Variants in STAG1 observed in about 807,000 individuals in gnomAD.
The protein encoded by STAG1 is STAG1 cohesin complex component.
In STAG1, 26 loss-of-function variants were observed where a neutral mutation model predicts 170.9. The observed-to-expected ratio is 0.15, with a 90% CI of 0.11 to 0.21. The LOEUF is 0.21. Among genes scored for constraint, STAG1 ranks in the 10% least tolerant of loss-of-function variants. STAG1 has a pLI of 1.00. For missense variants in STAG1, 964 were observed against 1,509.5 expected, an observed-to-expected ratio of 0.64 and a Z score of 5.99; for synonymous variants, 514 against 497.7, an observed-to-expected ratio of 1.03 and a Z score of -0.44.
At chr3:136,674,741 A>G (rs914072491) in intron 1 of STAG1, among the ~76,000 whole-genome samples, 3 of 152,232 alleles carry the variant, frequency 2.0e-5, no homozygotes, top group Admixed American at 6.5e-5. Context: ...AACAAATTGT[A>G]CGCTTTAAAT....
At chr3:136,624,748 T>C (rs1940021370) in intron 2 of STAG1, among the ~76,000 whole-genome samples, 1 of 152,170 alleles carries the variant, frequency 6.6e-6, no homozygotes. Flanking sequence ...ATTTGCTGAT[T>C]TTCACGGTGT....
chr3:136,515,318 TTG>T (rs1934308482), intron 7 of STAG1, among the ~76,000 whole-genome samples: 2 of 152,148 alleles, frequency 1.3e-5, no homozygotes, highest in Admixed American at 6.5e-5. Flanking sequence ...GGAGCCAAGA[TTG>T]TGCCACAGCA....
At chr3:136,660,204 TAA>T (rs985256441) in intron 1 of STAG1, among the ~76,000 whole-genome samples, 1 of 152,142 alleles carries the variant, frequency 6.6e-6, no homozygotes, top group Non-Finnish European at 1.5e-5. Context: ...TCTCTTCCTA[TAA>T]AACTCTTTCT....
At chr3:136,721,555 A>G (rs1933268838) in intron 1 of STAG1, 1 of 152,162 alleles carries the variant, frequency 6.6e-6, no homozygotes, top group African/African-American at 2.4e-5. Context: ...AGAAGGGGTG[A>G]AGTTAAATAA....
At chr3:136,465,060 G>C in intron 12 of STAG1, 72 bp from the exon 13 acceptor site, 1 of 1,148,254 alleles carries the variant, frequency 8.7e-7, no homozygotes, top group Non-Finnish European at 1.2e-6. Context: ...ATTTAAACTT[G>C]CTAAAGTTCA....
At chr3:136,571,872 G>A (rs1484704346) in intron 4 of STAG1, among the ~76,000 whole-genome samples, 1 of 152,036 alleles carries the variant, frequency 6.6e-6, no homozygotes, top group Non-Finnish European at 1.5e-5. Flanking sequence ...GCAACAGAGT[G>A]AAACCCTGTC....
At chr3:136,459,460 C>T (rs556774898) in intron 13 of STAG1, among the ~76,000 whole-genome samples, 25 of 152,110 alleles carry the variant, frequency 1.6e-4, no homozygotes, top group African/African-American at 3.6e-4. Context: ...ATTATCCAGA[C>T]GGAAAAAGAA....
chr3:136,623,122 A>T (rs746572047), intron 3 of STAG1, 24 bp downstream of exon 3: 1 of 1,590,298 alleles, frequency 6.3e-7, no homozygotes, highest in East Asian at 2.2e-5. Context: ...TTAAAGGAAC[A>T]AAGAAGACAA....
intron 21 of STAG1, among the ~76,000 whole-genome samples, chr3:136,408,313 GA>G (rs1467569601): frequency 6.6e-6 from 1 of 152,178 alleles, no homozygotes; most frequent in Admixed American, 6.6e-5. Flanking sequence ...GTATTTGAGA[GA>G]AGTCAGGTAT....
In STAG1 at chr3:136,615,307, T is replaced by C. The variant is rs527817317; in HGVS notation, c.132+7839A>G. Among the ~76,000 whole-genome samples, 16 of 151,280 alleles carry C rather than the reference T, an allele frequency of 1.1e-4. No individual in the cohort carries two copies. In the East Asian group the frequency reaches 3.1e-3, roughly 29 times the overall value. ...TTGTGAACAGGGAAATACAATAAAA[T>C]ATTAGGTGTAATATTAGGTTAGTTG... is the stretch of plus-strand genomic sequence containing the variant. On this transcript the variant is annotated intron_variant, in intron 3 of 33. Transcript: ENST00000383202.
intron 1 of STAG1, among the ~76,000 whole-genome samples, chr3:136,665,530 A>G (rs1194076218): frequency 1.3e-5 from 2 of 152,202 alleles, no homozygotes; most frequent in African/African-American, 4.8e-5. Flanking sequence ...CTGTAATCCC[A>G]GCACTTTGGG....
chr3:136,624,358 C>T (rs1357350245), intron 2 of STAG1, among the ~76,000 whole-genome samples: 1 of 152,122 alleles, frequency 6.6e-6, no homozygotes, highest in Non-Finnish European at 1.5e-5. Flanking sequence ...CCTCGGCCTC[C>T]CAAAGTGCTG....
Position 136,714,981 on chromosome 3 carries a change from T to A in STAG1, c.-84+37214A>T, listed in dbSNP as rs1205214633. 3.7e-5 allele frequency among the ~76,000 whole-genome samples: 4 copies of A among 109,542 alleles called. No homozygotes were observed. The East Asian group carries it at 6.4e-4, about 18-fold the overall frequency. 71.9% of individuals were successfully genotyped at this position (109,542 alleles called of 152,430 possible). The stretch of plus-strand genomic sequence containing the variant: ...TATATATATTTTATATATATATTTT[T>A]ATATATATATTTTATATATATAATA... On this transcript the variant is annotated intron_variant, in intron 1 of 33. Transcript: ENST00000383202.
chr3:136,416,948 C>T (rs905357683), intron 21 of STAG1, among the ~76,000 whole-genome samples: 1 of 150,858 alleles, frequency 6.6e-6, no homozygotes, highest in Non-Finnish European at 1.5e-5. Flanking sequence ...CAGGTTCAAG[C>T]GATTCTCCAG....
At chr3:136,380,885 T>C (rs1399852773) in intron 22 of STAG1, among the ~76,000 whole-genome samples, 1 of 151,684 alleles carries the variant, frequency 6.6e-6, no homozygotes, top group East Asian at 2.0e-4. Context: ...CCGGGCGTGG[T>C]GGTGGGTGCC....
chr3:136,459,393 C>A (rs1017866838), intron 13 of STAG1, among the ~76,000 whole-genome samples: 1 of 152,020 alleles, frequency 6.6e-6, no homozygotes, highest in African/African-American at 2.4e-5. Context: ...AAGAGAGTAA[C>A]TGCAATGTAA....
chr3:136,715,105 G>C (rs1249115943), intron 1 of STAG1, among the ~76,000 whole-genome samples: 1 of 145,686 alleles, frequency 6.9e-6, no homozygotes, highest in Non-Finnish European at 1.5e-5. Context: ...CACAGTAAGA[G>C]AGTTCGGTGG....
At chr3:136,379,735 C>T (rs1254366461) in intron 22 of STAG1, among the ~76,000 whole-genome samples, 1 of 151,940 alleles carries the variant, frequency 6.6e-6, no homozygotes, top group Non-Finnish European at 1.5e-5. Context: ...TGCAGAGGTG[C>T]TTTTGAGGAA....
chr3:136,648,515 C>A (rs754401654), intron 1 of STAG1, among the ~76,000 whole-genome samples: 12 of 152,182 alleles, frequency 7.9e-5, no homozygotes, highest in Non-Finnish European at 1.6e-4. Flanking sequence ...CAGGACATCC[C>A]ACAAATTGAG....
Sources: allele counts gnomAD v4.1 joint callset (sites outside exome capture counted in the v4.1 genomes callset), GRCh38; gene constraint gnomAD v4.1.1; transcripts MANE v1.5; gene names NCBI Gene and HGNC (gene_info 2026-07-23, HGNC 2026-07-21).